Variants in EFCAB7 observed in about 807,000 individuals in gnomAD.
EFCAB7 encodes the protein EF-hand calcium binding domain 7, also known as EF-hand calcium-binding domain-containing protein 7.
A neutral mutation model predicts 77.1 loss-of-function variants in EFCAB7; 66 were observed. The observed-to-expected ratio is 0.86, with a 90% CI of 0.70 to 1.05. EFCAB7 has a LOEUF of 1.05. Among genes scored for constraint, EFCAB7 ranks in the 50% least tolerant of loss-of-function variants. The probability of loss-of-function intolerance (pLI) is 0.00; values close to 1 mark genes in which losing one functional copy is unlikely to be tolerated. For synonymous variants in EFCAB7, 225 were observed against 243.3 expected, an observed-to-expected ratio of 0.92 and a Z score of 0.70; for missense variants, 638 against 730.5, an observed-to-expected ratio of 0.87 and a Z score of 1.46.
At chr1:63,566,418 A>T (rs2100926000) in intron 11 of EFCAB7, among the ~76,000 whole-genome samples, 1 of 152,340 alleles carries the variant, frequency 6.6e-6, no homozygotes, top group Non-Finnish European at 1.5e-5. Flanking sequence ...TACCTGGGTG[A>T]TGAAATAATC....
rs183294335 is a variant in EFCAB7 at position 63,554,485 on chromosome 1, G to A, written c.1057-873G>A. On this transcript the variant is annotated intron_variant, in intron 8 of 13. Transcript: ENST00000371088. ...CTCCCAAGTAGCTGGGATTATAGGC[G>A]CCCGCCACCATGCCCAGCTAATTTT... Among the ~76,000 whole-genome samples the A allele has an allele frequency of 3.1e-3, 474 of 152,112 alleles. 2 individuals carry two copies. The highest frequency in any genetic ancestry group is 0.011 in the African/African-American group (455 of 41,508).
At chr1:63,537,706 TAACA>T (rs1646779561) in intron 6 of EFCAB7, among the ~76,000 whole-genome samples, 4 of 152,206 alleles carry the variant, frequency 2.6e-5, no homozygotes, top group African/African-American at 9.6e-5. Context: ...AATTCTTTAA[TAACA>T]AAAAGTGCAA....
chr1:63,555,298 A>T, intron 8 of EFCAB7, 60 bp from the exon 9 acceptor site: 1 of 1,502,346 alleles, frequency 6.7e-7, no homozygotes, highest in Non-Finnish European at 8.9e-7. Flanking sequence ...TAAAAGCTTT[A>T]AATTAAAAGA....
chr1:63,532,730 G>A lies in EFCAB7; in HGVS notation c.460G>A (p.Ala154Thr), dbSNP rs1177305550. Residue 154 changes from alanine (A) to threonine (T), a missense_variant, in exon 4 of 14, where the codon GCT (alanine) becomes ACT (threonine). By Grantham distance (58) the Ala-to-Thr change is moderately conservative (BLOSUM62 0). Coordinates refer to ENST00000371088, the MANE Select transcript of EFCAB7 (RefSeq NM_032437.4). ...CATAATAAATTTGGCTGATGTAAAT[G>A]CTGATGGCAAATTTGACTACATCAA... ...NAIINLADVN[A>T]DGKFDYIKFC... The A allele has an allele frequency of 5.6e-6, 9 of 1,606,764 alleles. No homozygotes were observed. The highest frequency in any genetic ancestry group is 7.6e-6 in the Non-Finnish European group (9 of 1,177,078).
chr1:63,562,449 TTATATATATATATATATATATATATATA>T (rs869302346), intron 11 of EFCAB7, among the ~76,000 whole-genome samples: 5 of 22,486 alleles, frequency 2.2e-4, no homozygotes, highest in Non-Finnish European at 2.2e-4. Context: ...CTTAATTTAT[TTATATATATATATATATATATATATATA>T]TATATATATA....
Position 63,528,789 on chromosome 1 carries a change from G to T in EFCAB7, c.187+3030G>T, listed in dbSNP as rs147268808. 3.9e-3 allele frequency among the ~76,000 whole-genome samples: 598 copies of T among 152,218 alleles called. 3 individuals carry two copies. The highest frequency in any genetic ancestry group is 0.014 in the African/African-American group (576 of 41,532). On this transcript the variant is annotated intron_variant, in intron 2 of 13. Transcript: ENST00000371088. ...CAGGAAATTTTATATAATATTCATT[G>T]TCATAAAAATAATTTAGTAGTTGTG...
chr1:63,538,619 A>C (rs1204777257), intron 6 of EFCAB7, among the ~76,000 whole-genome samples: 1 of 151,964 alleles, frequency 6.6e-6, no homozygotes, highest in Non-Finnish European at 1.5e-5. Context: ...ACGCTGGCTA[A>C]TTTTTGTAGT....
At chr1:63,567,267 A>T (rs933081645) in intron 11 of EFCAB7, among the ~76,000 whole-genome samples, 2 of 152,210 alleles carry the variant, frequency 1.3e-5, no homozygotes, top group South Asian at 4.1e-4. Flanking sequence ...AGTGTGGTCA[A>T]CATGGTGAAA....
In EFCAB7 at chr1:63,526,676, C is replaced by T. The variant is rs186309423; in HGVS notation, c.187+917C>T. On this transcript the variant is annotated intron_variant, in intron 2 of 13. Coordinates refer to ENST00000371088, the MANE Select transcript of EFCAB7 (RefSeq NM_032437.4). Reference sequence around the variant, plus strand: ...TAAAGTCATGTTTAATTTTGATTTACATAATTTTAAAATTACTAAAATGCT... The same window carrying T: ...TAAAGTCATGTTTAATTTTGATTTATATAATTTTAAAATTACTAAAATGCT... 4.6e-5 allele frequency among the ~76,000 whole-genome samples: 7 copies of T among 152,240 alleles called. No homozygotes were observed. In the East Asian group the frequency reaches 1.3e-3, roughly 29 times the overall value.
At position 63,555,445 on chromosome 1, in the gene EFCAB7, C is replaced by A. The variant is rs777769864; in HGVS notation, c.1144C>A (p.Pro382Thr). The change falls in exon 9 of 14, where the codon CCA becomes ACA. Residue 382 changes from proline (P) to threonine (T), a missense_variant. By Grantham distance (38) the Pro-to-Thr change is conservative. Transcript: ENST00000371088. ...TGCRLRKKIK[P>T]VTDEAQLVYR... ...CTGTAGGCTGAGGAAAAAAATAAAA[C>A]CAGTAACAGATGAAGCCCAACTTGT... 6.2e-7 allele frequency: 1 copy of A among 1,613,846 alleles called. No homozygotes were observed. Among genetic ancestry groups the A allele is most frequent in the Non-Finnish European group, 8.5e-7 (1 of 1,179,870 alleles).
At chr1:63,556,022 GCCACCA>G (rs1327012027) in intron 9 of EFCAB7, among the ~76,000 whole-genome samples, 2 of 152,104 alleles carry the variant, frequency 1.3e-5, no homozygotes, top group African/African-American at 4.8e-5. Context: ...ATAGGTGTGA[GCCACCA>G]CATCCAGCCT....
intron 8 of EFCAB7, among the ~76,000 whole-genome samples, chr1:63,552,476 G>T (rs1339414475): frequency 6.6e-6 from 1 of 152,042 alleles, no homozygotes. Context: ...TACTACTACT[G>T]CAAAACAGAA....
the EFCAB7 span, among the ~76,000 whole-genome samples, chr1:63,583,501 A>AC: frequency 6.6e-6 from 1 of 152,072 alleles, no homozygotes; most frequent in Non-Finnish European, 1.5e-5. Context: ...GCCACACGGA[A>AC]CCCCATGATT....
At chr1:63,544,987 C>T (rs1443434437) in intron 6 of EFCAB7, among the ~76,000 whole-genome samples, 6 of 142,108 alleles carry the variant, frequency 4.2e-5, no homozygotes, top group Non-Finnish European at 9.2e-5. Context: ...GGTGTGATCT[C>T]GGCTCACTGC....
intron 6 of EFCAB7, among the ~76,000 whole-genome samples, chr1:63,539,551 A>T (rs959290810): frequency 2.0e-5 from 3 of 152,170 alleles, no homozygotes; most frequent in Non-Finnish European, 2.9e-5. Flanking sequence ...TACACACTGG[A>T]GAGAAAGTAA....
chr1:63,562,448 TTTATATATATATATATATATATATA>T (rs1302736455), intron 11 of EFCAB7, among the ~76,000 whole-genome samples: 16,438 of 44,856 alleles, frequency 0.37, 1,545 homozygotes, highest in South Asian at 0.51. Flanking sequence ...TCTTAATTTA[TTTATATATATATATATATATATATA>T]TATATATATA....
At position 63,557,105 on chromosome 1, in the gene EFCAB7, T is replaced by C. The variant is rs1285894252; in HGVS notation, c.1215-9T>C. The C allele has an allele frequency of 4.5e-6, 7 of 1,556,638 alleles. No homozygotes were observed. Among genetic ancestry groups the C allele is most frequent in the Non-Finnish European group, 2.6e-6 (3 of 1,157,958 alleles). ...GACAAGAAATAACTAGCTATTTTTATAATTTTAGGTCTACTTTATCAGATA... is the reference window on the plus strand; with the variant it reads ...GACAAGAAATAACTAGCTATTTTTACAATTTTAGGTCTACTTTATCAGATA... On this transcript the variant is annotated splice_polypyrimidine_tract_variant and intron_variant, in intron 9 of 13. Transcript: ENST00000371088.
intron 9 of EFCAB7, among the ~76,000 whole-genome samples, chr1:63,556,910 C>T (rs12402761): frequency 0.14 from 20,869 of 149,950 alleles, 1,564 homozygotes; most frequent in Middle Eastern, 0.25. Context: ...TGGTGGCGGG[C>T]GCCTATAGTC....
chr1:63,577,023 T>G (rs1447992608), downstream of EFCAB7, among the ~76,000 whole-genome samples: 1 of 150,606 alleles, frequency 6.6e-6, no homozygotes, highest in South Asian at 2.1e-4. Context: ...GGTGTGCATC[T>G]GTAGTTCCAG....
Sources: gnomAD v4.1 joint callset for allele counts (sites outside exome capture counted in the v4.1 genomes callset) on GRCh38, gnomAD v4.1.1 for gene constraint, MANE v1.5 for transcripts, NCBI Gene and HGNC (gene_info 2026-07-23, HGNC 2026-07-21) for gene names.